GRM5: variants seen among roughly 807,000 people sequenced by gnomAD.
GRM5 encodes the protein metabotropic glutamate receptor 5.
In GRM5, 19 loss-of-function variants were observed where a neutral mutation model predicts 83.1. The observed-to-expected ratio is 0.23, with a 90% confidence interval of 0.16 to 0.34. The LOEUF is 0.34. Among genes scored for constraint, GRM5 ranks in the 10% least tolerant of loss-of-function variants. The pLI is 1.00. For missense variants in GRM5, 1,160 were observed against 1,588.3 expected, an observed-to-expected ratio of 0.73 and a Z score of 4.58; for synonymous variants, 675 against 633.6, an observed-to-expected ratio of 1.07 and a Z score of -0.98.
intron 5 of GRM5, among the ~76,000 whole-genome samples, chr11:88,604,496 A>G (rs1342348516): frequency 2.6e-5 from 4 of 152,208 alleles, no homozygotes; most frequent in African/African-American, 9.7e-5. Context: ...CTGAAATGTG[A>G]TGATTCGCAA....
intron 2 of GRM5, among the ~76,000 whole-genome samples, chr11:88,948,084 C>T (rs1186813403): frequency 6.6e-6 from 1 of 152,030 alleles, no homozygotes; most frequent in Non-Finnish European, 1.5e-5. Context: ...CTTGGGACAA[C>T]CTAACCTAAT....
At chr11:88,716,685 A>G (rs7483741) in intron 3 of GRM5, among the ~76,000 whole-genome samples, 151,055 of 152,068 alleles carry the variant, frequency 0.99, 75,034 homozygotes, top group East Asian at 1. Context: ...TTAATGCTTA[A>G]ATTTACCCAC....
At chr11:88,602,286 C>T (rs1214665235) in intron 5 of GRM5, among the ~76,000 whole-genome samples, 1 of 152,110 alleles carries the variant, frequency 6.6e-6, no homozygotes, top group Non-Finnish European at 1.5e-5. Flanking sequence ...ATTGTTTAGG[C>T]TTTTGTAAAT....
chr11:89,063,150 G>A (rs1203296766), intron 1 of GRM5, among the ~76,000 whole-genome samples: 9 of 152,122 alleles, frequency 5.9e-5, no homozygotes, highest in African/African-American at 1.9e-4. Flanking sequence ...CCGAGCCCTC[G>A]GGTGGTTTGT....
At chr11:88,860,407 T>TAC (rs1944541960) in intron 2 of GRM5, among the ~76,000 whole-genome samples, 1 of 152,164 alleles carries the variant, frequency 6.6e-6, no homozygotes, top group African/African-American at 2.4e-5. Flanking sequence ...GAAAACTCTA[T>TAC]ACGGAGCTGT....
intron 2 of GRM5, among the ~76,000 whole-genome samples, chr11:89,022,789 G>A (rs146267719): frequency 6.6e-4 from 101 of 152,294 alleles, no homozygotes; most frequent in Middle Eastern, 3.4e-3. Flanking sequence ...GCATTATAAG[G>A]TCCTTTAGTA....
intron 2 of GRM5, among the ~76,000 whole-genome samples, chr11:88,961,376 T>G (rs1407286055): frequency 6.9e-6 from 1 of 145,190 alleles, no homozygotes; most frequent in African/African-American, 2.5e-5. Context: ...TTTTTTTTTT[T>G]GCTTGTTTTA....
chr11:89,036,835 G>T (rs1368595690), intron 2 of GRM5, among the ~76,000 whole-genome samples: 1 of 151,992 alleles, frequency 6.6e-6, no homozygotes. Context: ...TGCACTGTAG[G>T]TTACTTATTT....
At chr11:88,678,948 G>A (rs905697115) in intron 3 of GRM5, among the ~76,000 whole-genome samples, 1 of 152,024 alleles carries the variant, frequency 6.6e-6, no homozygotes, top group South Asian at 2.1e-4. Flanking sequence ...TACAGTGAAT[G>A]AGGAGGATAG....
intron 3 of GRM5, among the ~76,000 whole-genome samples, chr11:88,786,207 T>C (rs1181111659): frequency 2.6e-5 from 4 of 152,104 alleles, no homozygotes; most frequent in African/African-American, 7.2e-5. Context: ...CAGCAGGTGA[T>C]GGAGGTAACA....
At chr11:88,662,825 C>T (rs926238747) in intron 3 of GRM5, among the ~76,000 whole-genome samples, 1 of 152,058 alleles carries the variant, frequency 6.6e-6, no homozygotes, top group Admixed American at 6.6e-5. Context: ...GAGACTCAAG[C>T]CTACACCCAC....
chr11:88,977,248 T>C (rs1939372838), intron 2 of GRM5, among the ~76,000 whole-genome samples: 2 of 151,948 alleles, frequency 1.3e-5, no homozygotes, highest in Admixed American at 6.6e-5. Context: ...AGTCTCGCTC[T>C]GTCACCCAGG....
intron 3 of GRM5, among the ~76,000 whole-genome samples, chr11:88,754,932 C>T (rs562000934): frequency 6.6e-6 from 1 of 152,226 alleles, no homozygotes; most frequent in Non-Finnish European, 1.5e-5. Context: ...GGTCATCACT[C>T]ATAGGCTGTG....
chr11:88,628,122 A>G (rs899671633), intron 4 of GRM5, among the ~76,000 whole-genome samples: 35 of 152,124 alleles, frequency 2.3e-4, no homozygotes, highest in Non-Finnish European at 8.8e-5. Flanking sequence ...TCAGGATTCA[A>G]CTCAAAGACT....
chr11:88,863,291 T>G (rs2135553077), intron 2 of GRM5, among the ~76,000 whole-genome samples: 1 of 152,148 alleles, frequency 6.6e-6, no homozygotes, highest in Admixed American at 6.6e-5. Flanking sequence ...AATCATTCTA[T>G]TATAAATATA....
At chr11:88,690,415 A>G (rs74355867) in intron 3 of GRM5, among the ~76,000 whole-genome samples, 2,713 of 152,280 alleles carry the variant, frequency 0.018, 66 homozygotes, top group East Asian at 0.098. Flanking sequence ...ATCATGAAAT[A>G]GATTCATTCA....
At chr11:88,750,151 C>T (rs551515467) in intron 3 of GRM5, among the ~76,000 whole-genome samples, 57 of 152,024 alleles carry the variant, frequency 3.7e-4, no homozygotes, top group Middle Eastern at 3.4e-3. Flanking sequence ...AAAAGCTGGA[C>T]GAAGAGCCAA....
chr11:88,643,811 T>A (rs905075749), intron 4 of GRM5, among the ~76,000 whole-genome samples: 3 of 152,230 alleles, frequency 2.0e-5, no homozygotes. Context: ...GATACTCAAG[T>A]GTTCTGAGCT....
chr11:88,875,111 G>A (rs1445030029), intron 2 of GRM5, among the ~76,000 whole-genome samples: 1 of 149,614 alleles, frequency 6.7e-6, no homozygotes, highest in Non-Finnish European at 1.5e-5. Flanking sequence ...AGATTTCTTG[G>A]TAGCATATAA....
Sources: gnomAD v4.1 joint callset for allele counts (sites outside exome capture counted in the v4.1 genomes callset) on GRCh38, gnomAD v4.1.1 for gene constraint, MANE v1.5 for transcripts, NCBI Gene and HGNC (gene_info 2026-07-23, HGNC 2026-07-21) for gene names.